The following GPR50 variants were observed in gnomAD, a reference collection of about 807,000 sequenced individuals.
GPR50 encodes the protein G protein-coupled receptor 50.
A neutral mutation model predicts 2.6 loss-of-function variants in GPR50; 1 was observed. The ratio of observed to expected loss-of-function variants is 0.38; its 90% confidence interval spans 0.13 to 1.79. The LOEUF (loss-of-function observed/expected upper bound fraction) is 1.79. Ranked by LOEUF, GPR50 falls within the 40% of genes most tolerant of loss-of-function variation. GPR50 has a pLI of 0.33. For synonymous variants in GPR50, 233 were observed against 202.3 expected (o/e 1.15, Z -1.29); for missense variants, 535 against 522.1 (o/e 1.02, Z -0.24).
Position 151,180,629 on chromosome X carries a change from A to G in GPR50, c.1046A>G (p.Gln349Arg). ...RAHARDQARE[Q>R]DRAHACPAVE... ...CATGCTCGCGACCAAGCTCGTGAACAAGACCGTGCCCATGCCTGTCCTGCT... is the reference window on the plus strand; with the variant it reads ...CATGCTCGCGACCAAGCTCGTGAACGAGACCGTGCCCATGCCTGTCCTGCT... Residue 349 changes from glutamine to arginine, a missense_variant, in exon 2 of 2, where the codon CAA becomes CGA. Gln to Arg is a conservative substitution (Grantham distance 43, BLOSUM62 1). Coordinates refer to ENST00000218316, the MANE Select transcript of GPR50 (RefSeq NM_004224.3). 1 of 1,211,013 alleles carries G rather than the reference A, an allele frequency of 8.3e-7. No individual in the cohort carries two copies. The highest frequency in any genetic ancestry group is 1.7e-5 in the African/African-American group (1 of 57,771).
Position 151,180,265 on chromosome X carries a change from A to C in GPR50, c.682A>C (p.Asn228His), listed in dbSNP as rs1489440959. 6 of 1,205,894 alleles carry C rather than the reference A, an allele frequency of 5.0e-6. No homozygotes were observed. In the African/African-American group the frequency reaches 8.8e-5, roughly 18 times the overall value. ...TGACCCTGCAGGGCAGAATCCTGAC[A>C]ACCAACTTGCTGAGGTTCGCAATTT... is the stretch of plus-strand genomic sequence containing the variant. The part of the protein sequence containing the change: ...ARDPAGQNPD[N>H]QLAEVRNFLT... Residue 228 changes from asparagine to histidine, a missense_variant, in exon 2 of 2, where the codon AAC (asparagine) becomes CAC (histidine). Transcript: ENST00000218316.
intron 1 of GPR50, among the ~76,000 whole-genome samples, chrX:151,178,871 G>T (rs2048695332): frequency 8.9e-6 from 1 of 112,239 alleles, no homozygotes. Context: ...CGGAGTGGGG[G>T]TGACCCTTCT....
At chrX:151,182,101 G>T (rs1287568417), downstream of GPR50, among the ~76,000 whole-genome samples, 1 of 112,411 alleles carries the variant, frequency 8.9e-6, no homozygotes, top group African/African-American at 3.2e-5. Flanking sequence ...AATGGCAAAA[G>T]GAAAGATATG....
rs369656707 is a variant in GPR50, at chrX:151,180,834, C to T, written c.1251C>T (p.His417=). The change falls in exon 2 of 2, where the codon CAC becomes CAT. Residue 417 remains histidine (H), a synonymous_variant. Transcript: ENST00000218316. The part of the protein sequence containing the change: ...VFSHSKAASG[H]LKPVSGHSKP... Reference sequence around the variant, plus strand: ...GCCACTCCAAGGCTGCCTCTGGTCACCTCAAGCCTGTCTCTGGCCACTCCA... The same window carrying T: ...GCCACTCCAAGGCTGCCTCTGGTCATCTCAAGCCTGTCTCTGGCCACTCCA... The T allele has an allele frequency of 2.7e-5, 33 of 1,208,673 alleles. No homozygotes were observed. Among genetic ancestry groups the T allele is most frequent in the Non-Finnish European group, 3.7e-5 (33 of 894,668 alleles).
downstream of GPR50, among the ~76,000 whole-genome samples, chrX:151,182,092 A>G (rs1215853843): frequency 3.5e-5 from 4 of 112,819 alleles, no homozygotes; most frequent in African/African-American, 1.3e-4. Context: ...ATGAGATCAA[A>G]TGGCAAAAGG....
Position 151,181,417 on chromosome X carries a change from C to T in GPR50, c.1834C>T (p.Pro612Ser), listed in dbSNP as rs763647516. 8.6e-5 allele frequency: 102 copies of T among 1,180,278 alleles called. No homozygotes were observed. The highest frequency in any genetic ancestry group is 1.1e-4 in the Non-Finnish European group (101 of 879,355). Residue 612 changes from proline (P) to serine (S), a missense_variant, in exon 2 of 2, where the codon CCT (proline) becomes TCT (serine). Coordinates refer to ENST00000218316, the MANE Select transcript of GPR50 (RefSeq NM_004224.3). ...DVVVIDVEDD[P>S]DEMAV is the part of the protein sequence containing the mutation. ...CGTGGTTATTGATGTTGAAGATGAT[C>T]CTGATGAAATGGCTGTGTGAAAAAT...
chrX:151,181,121 C>G lies in GPR50; in HGVS notation c.1538C>G (p.Ala513Gly), dbSNP rs2048712002. ...TGHIKPATSH[A>G]EPTTADYPKP... ...CACATCAAGCCAGCTACCAGCCATG[C>G]TGAGCCCACCACTGCTGACTATCCC... is the stretch of plus-strand genomic sequence containing the variant. Residue 513 changes from alanine (A) to glycine (G), a missense_variant, in exon 2 of 2, where the codon GCT (alanine) becomes GGT (glycine). Physicochemically the swap from Ala to Gly is moderately conservative, Grantham distance 60. Transcript: ENST00000218316. 1 of 1,209,848 alleles carries G rather than the reference C, an allele frequency of 8.3e-7. No individual in the cohort carries two copies. Among genetic ancestry groups the G allele is most frequent in the South Asian group, 1.8e-5 (1 of 56,871 alleles).
chrX:151,178,062 G>A (rs1349195426), intron 1 of GPR50, among the ~76,000 whole-genome samples: 1 of 110,782 alleles, frequency 9.0e-6, no homozygotes, highest in African/African-American at 3.3e-5. Flanking sequence ...GGCCGGGGGA[G>A]GGAGGGGCGG....
intron 1 of GPR50, 87 bp downstream of exon 1, chrX:151,176,995 C>A: frequency 1.6e-6 from 1 of 617,478 alleles, no homozygotes; most frequent in South Asian, 2.8e-5. Flanking sequence ...AATAGAGAAT[C>A]TATGGACAGT....
chrX:151,180,678 C>A lies in GPR50; in HGVS notation c.1095C>A (p.Val365=). The change falls in exon 2 of 2, where the codon GTC becomes GTA. Residue 365 remains valine (V), a synonymous_variant. Coordinates refer to ENST00000218316, the MANE Select transcript of GPR50 (RefSeq NM_004224.3). The part of the protein sequence containing the change: ...CPAVEETPMN[V]RNVPLPGDAA... ...CTGTGGAGGAAACCCCGATGAATGT[C>A]CGGAATGTTCCATTACCTGGTGATG... 1 of 1,211,546 alleles carries A rather than the reference C, an allele frequency of 8.3e-7. No individual in the cohort carries two copies. Among genetic ancestry groups the A allele is most frequent in the Non-Finnish European group, 1.1e-6 (1 of 895,426 alleles).
rs776077410 is a variant in GPR50 at position 151,176,892 on chromosome X, G to C, written c.171G>C (p.Lys57Asn). Residue 57 changes from lysine to asparagine, a missense_variant, in exon 1 of 2, where the codon AAG becomes AAC. Physicochemically the swap from Lys to Asn is moderately conservative, Grantham distance 94 (BLOSUM62 0). Transcript: ENST00000218316. The stretch of plus-strand genomic sequence containing the variant: ...TCATTTTGGCTGTGACGAAGAACAA[G>C]AAGCTCCGGAATTCTGGTAAGCCAC... ...SMVILAVTKN[K>N]KLRNSGNIFV... 6 of 1,199,924 alleles carry C rather than the reference G, an allele frequency of 5.0e-6. No homozygotes were observed. In the African/African-American group the frequency reaches 1.1e-4, roughly 21 times the overall value.
Position 151,176,719 on chromosome X carries a change from A to C in GPR50, c.-3A>C, listed in dbSNP as rs754184491. ...GGAGATCTTAACGATCCCCAGGAGC[A>C]ACATGGGGCCCACCCTAGCGGTTCC... On this transcript the variant is annotated 5_prime_UTR_variant, in exon 1 of 2. Transcript: ENST00000218316. The C allele has an allele frequency of 8.6e-7, 1 of 1,164,865 alleles. No homozygotes were observed. The highest frequency in any genetic ancestry group is 1.8e-5 in the African/African-American group (1 of 55,136).
chrX:151,182,041 C>A (rs939597705), downstream of GPR50, among the ~76,000 whole-genome samples: 1 of 112,646 alleles, frequency 8.9e-6, no homozygotes, highest in Non-Finnish European at 1.9e-5. Flanking sequence ...TTGAAGAATA[C>A]AATTTGATAA....
chrX:151,182,523 G>A (rs772060028), downstream of GPR50: 1 of 111,648 alleles, frequency 9.0e-6, no homozygotes, highest in East Asian at 2.8e-4. Context: ...GGATGGGGAG[G>A]GGGGCAAGGA....
intron 1 of GPR50, among the ~76,000 whole-genome samples, chrX:151,179,469 C>T (rs190719511): frequency 9.1e-6 from 1 of 109,844 alleles, no homozygotes; most frequent in East Asian, 2.9e-4. Flanking sequence ...CCTCTACTCC[C>T]CTCCTCCTTC....
chrX:151,180,748 C>T lies in GPR50; in HGVS notation c.1165C>T (p.His389Tyr). The change falls in exon 2 of 2, where the codon CAT becomes TAT. Residue 389 changes from histidine (H) to tyrosine (Y), a missense_variant. By Grantham distance (83) the His-to-Tyr change is moderately conservative (BLOSUM62 2). Transcript: ENST00000218316. ...CCGTGCCTCTGGCCACCCTAAGCCC[C>T]ATTCCAGATCCTCCTCTGCCTATCG... Reference protein sequence around the residue: ...PDRASGHPKPHSRSSSAYRKS... With the variant: ...PDRASGHPKPYSRSSSAYRKS... 1 of 1,209,700 alleles carries T rather than the reference C, an allele frequency of 8.3e-7. No individual in the cohort carries two copies. Among genetic ancestry groups the T allele is most frequent in the Non-Finnish European group, 1.1e-6 (1 of 894,372 alleles).
intron 1 of GPR50, 70 bp from the exon 2 acceptor site, chrX:151,179,701 G>C (rs1474995737): frequency 1.3e-6 from 1 of 762,029 alleles, no homozygotes; most frequent in African/African-American, 2.1e-5. Context: ...TAAATGTGTA[G>C]ATTTCTGTAC....
downstream of GPR50, among the ~76,000 whole-genome samples, chrX:151,181,704 T>C (rs1420650469): frequency 2.7e-5 from 3 of 112,171 alleles, no homozygotes; most frequent in Non-Finnish European, 5.6e-5. Context: ...TTTCCAACTA[T>C]GGTCGACCTT....
chrX:151,179,974 T>C lies in GPR50; in HGVS notation c.391T>C (p.Cys131Arg), dbSNP rs2048702031. ...AIAINRYCYI[C>R]HSLQYERIFS... Reference sequence around the variant, plus strand: ...CGCTATCAACCGTTACTGCTACATCTGCCACAGCCTCCAGTACGAACGGAT... The same window carrying C: ...CGCTATCAACCGTTACTGCTACATCCGCCACAGCCTCCAGTACGAACGGAT... Residue 131 changes from cysteine to arginine, a missense_variant, in exon 2 of 2, where the codon TGC (cysteine) becomes CGC (arginine). By Grantham distance (180) the Cys-to-Arg change is radical (BLOSUM62 -3). Transcript: ENST00000218316. 1 of 1,209,042 alleles carries C rather than the reference T, an allele frequency of 8.3e-7. No homozygotes were observed. Among genetic ancestry groups the C allele is most frequent in the South Asian group, 1.8e-5 (1 of 56,667 alleles).
Sources: gnomAD v4.1 joint callset for allele counts (sites outside exome capture counted in the v4.1 genomes callset) on GRCh38, gnomAD v4.1.1 for gene constraint, MANE v1.5 for transcripts, NCBI Gene and HGNC (gene_info 2026-07-23, HGNC 2026-07-21) for gene names.